GALNT14: variants seen among roughly 807,000 people sequenced by gnomAD.
GALNT14 encodes the protein UDP-GalNAc:polypeptide N-acetylgalactosaminyltransferase 14.
In GALNT14, 60 loss-of-function variants were observed where a neutral mutation model predicts 77.5. The observed-to-expected ratio is 0.77, with a 90% confidence interval of 0.63 to 0.96. The LOEUF is 0.96. GALNT14 is among the 40% of genes least tolerant of loss of function. The probability of loss-of-function intolerance (pLI) is 0.00; values close to 1 mark genes in which losing one functional copy is unlikely to be tolerated. For synonymous variants in GALNT14, 280 were observed against 281.7 expected, an observed-to-expected ratio of 0.99 and a Z score of 0.06; for missense variants, 710 against 731.0, an observed-to-expected ratio of 0.97 and a Z score of 0.33.
At chr2:31,047,352 C>T (rs577371966) in intron 1 of GALNT14, among the ~76,000 whole-genome samples, 1 of 152,266 alleles carries the variant, frequency 6.6e-6, no homozygotes, top group South Asian at 2.1e-4. Flanking sequence ...AGTGGGTTAT[C>T]CTGCTGGGAG....
intron 1 of GALNT14, among the ~76,000 whole-genome samples, chr2:31,055,393 A>G (rs1204508653): frequency 6.6e-6 from 1 of 152,280 alleles, no homozygotes; most frequent in African/African-American, 2.4e-5. Flanking sequence ...AAGGCACTAT[A>G]TAAAACCACA....
rs1460887059 is a variant in GALNT14 at position 31,107,073 on chromosome 2, C to G, written c.129+30885G>C. On this transcript the variant is annotated intron_variant, in intron 1 of 14. Coordinates refer to ENST00000349752, the MANE Select transcript of GALNT14 (RefSeq NM_024572.4). Reference sequence around the variant, plus strand: ...TTGTGTGCTTTCCTGTATGTTATATCTCAACAAACATGTTAAGGAAGGAAA... The same window carrying G: ...TTGTGTGCTTTCCTGTATGTTATATGTCAACAAACATGTTAAGGAAGGAAA... Among the ~76,000 whole-genome samples, 3 of 152,152 alleles carry G rather than the reference C, an allele frequency of 2.0e-5. No homozygotes were observed. The East Asian group carries it at 5.8e-4, about 29-fold the overall frequency.
intron 1 of GALNT14, among the ~76,000 whole-genome samples, chr2:31,017,314 C>T (rs2148453248): frequency 6.6e-6 from 1 of 152,350 alleles, no homozygotes; most frequent in Middle Eastern, 3.4e-3. Flanking sequence ...CTGCCATCTT[C>T]TGTTCCCTTG....
intron 1 of GALNT14, among the ~76,000 whole-genome samples, chr2:31,039,136 T>C (rs975406819): frequency 2.0e-5 from 3 of 152,248 alleles, no homozygotes; most frequent in Non-Finnish European, 4.4e-5. Context: ...TGACAATTTT[T>C]GCCAGTGTTC....
intron 13 of GALNT14, among the ~76,000 whole-genome samples, chr2:30,916,681 C>T (rs1228389770): frequency 6.6e-6 from 1 of 152,170 alleles, no homozygotes; most frequent in Admixed American, 6.5e-5. Flanking sequence ...GCCAGTCTGG[C>T]CATAGCTGTG....
intron 1 of GALNT14, among the ~76,000 whole-genome samples, chr2:30,996,832 G>T (rs141794085): frequency 6.6e-6 from 1 of 152,204 alleles, no homozygotes; most frequent in Non-Finnish European, 1.5e-5. Context: ...TGCACAAAGC[G>T]CAGTCATAGT....
intron 4 of GALNT14, 112 bp from the exon 5 acceptor site, chr2:30,956,089 T>C (rs1667354000): frequency 1.0e-6 from 1 of 992,766 alleles, no homozygotes; most frequent in South Asian, 1.4e-5. Flanking sequence ...CTGTCCACTG[T>C]CCCCTAACTG....
At position 30,912,374 on chromosome 2, in the gene GALNT14, A is replaced by G. The variant is rs576324752; in HGVS notation, c.1381-32T>C. 2.2e-5 allele frequency: 36 copies of G among 1,610,782 alleles called. 1 individual carries two copies. The South Asian group carries it at 3.0e-4, about 13-fold the overall frequency. On this transcript the variant is annotated intron_variant, in intron 13 of 14. Transcript: ENST00000349752. ...AGAAAGAGACCAGGAAGGTTTGTTC[A>G]GGATCCAGGAAGCCACCACTCGTGG...
chr2:31,075,995 C>T (rs1338567644), intron 1 of GALNT14, among the ~76,000 whole-genome samples: 1 of 152,236 alleles, frequency 6.6e-6, no homozygotes, highest in Non-Finnish European at 1.5e-5. Context: ...CTTCAATGAA[C>T]ACTTCTAGAC....
chr2:30,976,042 T>A (rs974272689), intron 2 of GALNT14, among the ~76,000 whole-genome samples: 2 of 152,204 alleles, frequency 1.3e-5, no homozygotes, highest in Non-Finnish European at 1.5e-5. Context: ...CCAACTGGCA[T>A]CTGAAAGAAC....
intron 11 of GALNT14, among the ~76,000 whole-genome samples, chr2:30,926,513 G>A (rs1665390594): frequency 6.6e-6 from 1 of 152,166 alleles, no homozygotes; most frequent in Admixed American, 6.5e-5. Flanking sequence ...TCAAAGGATA[G>A]GTTTAGCTTA....
intron 1 of GALNT14, among the ~76,000 whole-genome samples, chr2:31,121,575 C>A (rs1043291169): frequency 3.3e-5 from 5 of 152,110 alleles, no homozygotes; most frequent in African/African-American, 4.8e-5. Flanking sequence ...AACTTTTCCG[C>A]AGTCTGGCCC....
At chr2:31,062,570 T>C (rs1002451982) in intron 1 of GALNT14, among the ~76,000 whole-genome samples, 5 of 152,232 alleles carry the variant, frequency 3.3e-5, no homozygotes, top group Non-Finnish European at 5.9e-5. Flanking sequence ...CTTTTGGGTA[T>C]ATACCCAGTA....
In GALNT14 at chr2:30,934,289, T is replaced by C. The variant is rs80241397; in HGVS notation, c.932-2095A>G. Reference sequence around the variant, plus strand: ...GGAGTTGTGTCAGCACGTGTGAATTTCAGTCTCATGTCTGTGCTCCAATCA... The same window carrying C: ...GGAGTTGTGTCAGCACGTGTGAATTCCAGTCTCATGTCTGTGCTCCAATCA... On this transcript the variant is annotated intron_variant, in intron 9 of 14. Transcript: ENST00000349752. Among the ~76,000 whole-genome samples the C allele has an allele frequency of 8.5e-4, 129 of 152,256 alleles. 1 individual carries two copies. In the East Asian group the frequency reaches 0.024, roughly 28 times the overall value.
At chr2:31,053,133 T>C (rs1297737306) in intron 1 of GALNT14, among the ~76,000 whole-genome samples, 4 of 152,138 alleles carry the variant, frequency 2.6e-5, no homozygotes, top group Non-Finnish European at 5.9e-5. Flanking sequence ...GCCCTAGTCT[T>C]GGGTGGCATT....
intron 1 of GALNT14, among the ~76,000 whole-genome samples, chr2:30,996,871 A>T (rs766089634): frequency 2.0e-5 from 3 of 152,256 alleles, no homozygotes; most frequent in Non-Finnish European, 4.4e-5. Context: ...CTGAGGGGGA[A>T]CAGCCCATAC....
chr2:30,917,844 C>A (rs1664776164), intron 13 of GALNT14, among the ~76,000 whole-genome samples: 1 of 152,236 alleles, frequency 6.6e-6, no homozygotes, highest in South Asian at 2.1e-4. Flanking sequence ...CCTTGAACAT[C>A]TTAGTCCATA....
rs570731956 is a variant in GALNT14 at position 31,020,332 on chromosome 2, C to T, written c.130-27325G>A. 5.3e-5 allele frequency among the ~76,000 whole-genome samples: 8 copies of T among 152,306 alleles called. No homozygotes were observed. In the South Asian group the frequency reaches 1.7e-3, roughly 32 times the overall value. On this transcript the variant is annotated intron_variant, in intron 1 of 14. Transcript: ENST00000349752. The stretch of plus-strand genomic sequence containing the variant: ...TTTGCTAGAACTTTTCCATTCAAAA[C>T]ACAGCCATAGTTTATAGTATTGTCA...
At chr2:30,956,497 A>G (rs1397658360) in intron 4 of GALNT14, among the ~76,000 whole-genome samples, 3 of 152,118 alleles carry the variant, frequency 2.0e-5, no homozygotes, top group African/African-American at 7.2e-5. Flanking sequence ...TATTAATACA[A>G]ACAATCTCAT....
Sources: allele counts gnomAD v4.1 joint callset (sites outside exome capture counted in the v4.1 genomes callset), GRCh38; gene constraint gnomAD v4.1.1; transcripts MANE v1.5; gene names NCBI Gene and HGNC (gene_info 2026-07-23, HGNC 2026-07-21).